HCN1: variants seen among roughly 807,000 people sequenced by gnomAD.
HCN1 encodes the protein potassium/sodium hyperpolarization-activated cyclic nucleotide-gated channel 1.
HCN1 carries 13 observed loss-of-function variants against 78.9 expected under a neutral mutation model. The ratio of observed to expected loss-of-function variants is 0.16; its 90% CI spans 0.11 to 0.26. The LOEUF is 0.26. Ranked by LOEUF, HCN1 falls within the 10% of genes least tolerant of loss-of-function variation. The pLI is 1.00. For missense variants in HCN1, 810 were observed against 1,154.3 expected (o/e 0.70, Z 4.32); for synonymous variants, 552 against 455.5 (o/e 1.21, Z -2.70).
chr5:45,278,093 A>G (rs1247331274), intron 6 of HCN1, among the ~76,000 whole-genome samples: 1 of 152,028 alleles, frequency 6.6e-6, no homozygotes, highest in Non-Finnish European at 1.5e-5. Flanking sequence ...ATCATCAGTT[A>G]ATCTGATCTT....
intron 4 of HCN1, among the ~76,000 whole-genome samples, chr5:45,393,766 C>A (rs1739631046): frequency 6.6e-6 from 1 of 152,142 alleles, no homozygotes; most frequent in Non-Finnish European, 1.5e-5. Flanking sequence ...AAAGAATGGT[C>A]TAAAAAGATG....
At chr5:45,336,295 G>A (rs73099463) in intron 5 of HCN1, among the ~76,000 whole-genome samples, 3,559 of 152,146 alleles carry the variant, frequency 0.023, 156 homozygotes, top group African/African-American at 0.082. Context: ...CACAGTAATA[G>A]TTTTAATTTA....
At chr5:45,580,930 T>C (rs1561208545) in intron 2 of HCN1, among the ~76,000 whole-genome samples, 2 of 152,196 alleles carry the variant, frequency 1.3e-5, no homozygotes, top group Non-Finnish European at 2.9e-5. Flanking sequence ...CTTAATCCAG[T>C]CTATCATTGT....
intron 6 of HCN1, among the ~76,000 whole-genome samples, chr5:45,278,335 C>T (rs1248725136): frequency 6.6e-6 from 1 of 152,036 alleles, no homozygotes; most frequent in Non-Finnish European, 1.5e-5. Context: ...TCATTTTCTA[C>T]TTTTCAGTAA....
At chr5:45,316,468 G>A (rs964386866) in intron 5 of HCN1, among the ~76,000 whole-genome samples, 9 of 152,204 alleles carry the variant, frequency 5.9e-5, no homozygotes, top group African/African-American at 2.2e-4. Context: ...TACTGAATGG[G>A]CAAAAACTGG....
At chr5:45,631,249 T>C (rs76019330) in intron 2 of HCN1, among the ~76,000 whole-genome samples, 10,915 of 152,254 alleles carry the variant, frequency 0.072, 571 homozygotes, top group Middle Eastern at 0.15. Flanking sequence ...TCCCAGTTAC[T>C]TGGTAGGACT....
intron 2 of HCN1, among the ~76,000 whole-genome samples, chr5:45,632,996 T>C (rs1335987425): frequency 6.6e-6 from 1 of 152,078 alleles, no homozygotes; most frequent in Admixed American, 6.6e-5. Context: ...TAGATATTTC[T>C]AATTGTTTAT....
At chr5:45,683,031 T>C (rs1261109580) in intron 1 of HCN1, among the ~76,000 whole-genome samples, 1 of 152,084 alleles carries the variant, frequency 6.6e-6, no homozygotes, top group East Asian at 1.9e-4. Flanking sequence ...TAGTGTCATA[T>C]GGTGGCAAGC....
intron 5 of HCN1, among the ~76,000 whole-genome samples, chr5:45,326,212 C>G (rs2111944293): frequency 1.3e-5 from 2 of 151,712 alleles, no homozygotes; most frequent in South Asian, 4.2e-4. Context: ...AATACATACA[C>G]CTACTACATA....
chr5:45,318,351 G>T lies in HCN1; in HGVS notation c.1378-14512C>A, dbSNP rs183699636. 2.2e-3 allele frequency among the ~76,000 whole-genome samples: 337 copies of T among 152,174 alleles called. 2 individuals are homozygous for T. Among genetic ancestry groups the T allele is most frequent in the African/African-American group, 7.9e-3 (328 of 41,520 alleles). ...ACACCACATGTTCTCACTCATAGGT[G>T]GGAATTGAACAATGAGAATACTTGG... On this transcript the variant is annotated intron_variant, in intron 5 of 7. Transcript: ENST00000303230.
intron 5 of HCN1, among the ~76,000 whole-genome samples, chr5:45,348,122 C>T (rs1314300789): frequency 9.9e-5 from 15 of 152,222 alleles, no homozygotes; most frequent in South Asian, 4.1e-4. Flanking sequence ...AGAGAAAGGT[C>T]GGATTACCCA....
chr5:45,642,908 T>C (rs1351269820), intron 2 of HCN1: 1 of 152,134 alleles, frequency 6.6e-6, no homozygotes, highest in Non-Finnish European at 1.5e-5. Context: ...ATACCCATGA[T>C]ATATGATATT....
chr5:45,374,880 A>G (rs1160492624), intron 4 of HCN1, among the ~76,000 whole-genome samples: 1 of 144,742 alleles, frequency 6.9e-6, no homozygotes, highest in African/African-American at 2.5e-5. Flanking sequence ...GTTCATGGGT[A>G]TATATATAGA....
At chr5:45,417,799 T>A (rs1726527743) in intron 3 of HCN1, among the ~76,000 whole-genome samples, 1 of 141,372 alleles carries the variant, frequency 7.1e-6, no homozygotes, top group Non-Finnish European at 1.5e-5. Flanking sequence ...TCAAGGTGTA[T>A]GACTTCATGG....
intron 2 of HCN1, among the ~76,000 whole-genome samples, chr5:45,602,059 C>T (rs1744636047): frequency 1.3e-5 from 2 of 152,062 alleles, no homozygotes; most frequent in African/African-American, 4.8e-5. Flanking sequence ...GGCATTCATT[C>T]TCTCTCTTGC....
At chr5:45,462,220 T>C (rs1741176584) in intron 2 of HCN1, among the ~76,000 whole-genome samples, 3 of 152,152 alleles carry the variant, frequency 2.0e-5, no homozygotes, top group Admixed American at 2.0e-4. Flanking sequence ...CTATGTCTCA[T>C]GAGCAACAGA....
intron 1 of HCN1, among the ~76,000 whole-genome samples, chr5:45,655,964 A>G (rs1745757570): frequency 6.6e-6 from 1 of 152,184 alleles, no homozygotes; most frequent in Non-Finnish European, 1.5e-5. Context: ...ATTTCAAAAA[A>G]TATGTACACA....
At chr5:45,527,524 C>T (rs867431787) in intron 2 of HCN1, among the ~76,000 whole-genome samples, 3 of 151,714 alleles carry the variant, frequency 2.0e-5, no homozygotes, top group African/African-American at 7.3e-5. Context: ...CTCTGCCCAT[C>T]ATTCTCATTC....
At chr5:45,336,202 G>A (rs993883920) in intron 5 of HCN1, among the ~76,000 whole-genome samples, 1 of 151,964 alleles carries the variant, frequency 6.6e-6, no homozygotes, top group Non-Finnish European at 1.5e-5. Context: ...GATTACTGAA[G>A]CCAACTTTGC....
Sources: allele counts gnomAD v4.1 joint callset (sites outside exome capture counted in the v4.1 genomes callset), GRCh38; gene constraint gnomAD v4.1.1; transcripts MANE v1.5; gene names NCBI Gene and HGNC (gene_info 2026-07-23, HGNC 2026-07-21).